The following EML3 variants were observed in gnomAD, a reference collection of about 807,000 sequenced individuals.
The protein encoded by EML3 is EMAP like 3.
EML3 carries 53 observed loss-of-function variants against 106.7 expected under a neutral mutation model. That is an observed-to-expected ratio of 0.50 (90% CI 0.40 to 0.62). EML3 has a LOEUF of 0.62. Ranked by LOEUF, EML3 falls within the 20% of genes least tolerant of loss-of-function variation. EML3 has a pLI of 0.00. For missense variants in EML3, 994 were observed against 1,209.1 expected, an observed-to-expected ratio of 0.82 and a Z score of 2.64; for synonymous variants, 499 against 489.6, an observed-to-expected ratio of 1.02 and a Z score of -0.25.
chr11:62,607,402 G>C, intron 11 of EML3: 1 of 459,584 alleles, frequency 2.2e-6, no homozygotes, highest in South Asian at 3.9e-5. Flanking sequence ...AAAATCAGCC[G>C]GCGCGCATCT....
chr11:62,603,604 A>G (rs2134348477), intron 19 of EML3, 125 bp downstream of exon 19: 1 of 798,276 alleles, frequency 1.3e-6, no homozygotes, highest in Non-Finnish European at 2.0e-6. Flanking sequence ...TTTCTCCTAC[A>G]TATAATTCCA....
At position 62,605,724 on chromosome 11, in the gene EML3, C is replaced by T. The variant is rs1193547788; in HGVS notation, c.1832G>A (p.Arg611His). The change falls in exon 15 of 22, where the codon CGC becomes CAC. Residue 611 changes from arginine to histidine, a missense_variant. Around this residue, in one of 3 missense-constraint regions of EML3, gnomAD observed 713 missense variants for 920.5 expected, o/e 0.77. Transcript: ENST00000394773. This position sits in a 1 kb window ranked among gnomAD's most constrained non-coding sequence, Gnocchi z 5.2. The stretch of plus-strand genomic sequence containing the variant: ...CCGGTCGTGGCCGCAGGTGAGGAAG[C>T]GGTTCTGGGAGGGGTGTGTGCAGAG... Reference protein sequence around the residue: ...WGLCTHPSQNRFLTCGHDRQL... With the variant: ...WGLCTHPSQNHFLTCGHDRQL... 2.5e-6 allele frequency: 4 copies of T among 1,600,416 alleles called. No individual in the cohort carries two copies. Among genetic ancestry groups the T allele is most frequent in the Non-Finnish European group, 2.6e-6 (3 of 1,172,746 alleles).
intron 6 of EML3, 49 bp downstream of exon 6, chr11:62,609,305 T>C: frequency 6.5e-7 from 1 of 1,531,438 alleles, no homozygotes; most frequent in Non-Finnish European, 8.8e-7. Context: ...GTAAGAGGGG[T>C]CCCAAGGTGA....
chr11:62,606,854 C>G, intron 12 of EML3, 104 bp downstream of exon 12: 1 of 1,000,192 alleles, frequency 1.0e-6, no homozygotes, highest in Non-Finnish European at 1.4e-6. Context: ...AAGACCTCAT[C>G]TCAAAAAAAA....
chr11:62,609,048 C>T lies in EML3; in HGVS notation c.843G>A (p.Val281=). The change falls in exon 7 of 22, where the codon GTG becomes GTA. Residue 281 remains valine, a synonymous_variant. Transcript: ENST00000394773. Reference sequence around the variant, plus strand: ...GGCCTCCTCCAGGCCGGTACAGCACCACCACACAGGCGATAAAGTAGACCA... The same window carrying T: ...GGCCTCCTCCAGGCCGGTACAGCACTACCACACAGGCGATAAAGTAGACCA... The part of the protein sequence containing the change: ...GEVVYFIACV[V]VLYRPGGGPG... The T allele has an allele frequency of 6.2e-7, 1 of 1,614,056 alleles. No homozygotes were observed. The highest frequency in any genetic ancestry group is 8.5e-7 in the Non-Finnish European group (1 of 1,180,032).
chr11:62,611,128 C>CG lies in EML3; in HGVS notation c.410dup (p.Ile139AspfsTer12), dbSNP rs1490196432. On this transcript the variant is annotated frameshift_variant, in exon 3 of 22. Coordinates refer to ENST00000394773, the MANE Select transcript of EML3 (RefSeq NM_153265.3). LOFTEE classifies it high-confidence loss of function. Reference sequence around the variant, plus strand: ...GGGGCTGCAAGGGCCTGAGGATCCCCGGGGGGCCAGGGGAGCCAGCACCAC... The same window carrying CG: ...GGGGCTGCAAGGGCCTGAGGATCCCCGGGGGGGCCAGGGGAGCCAGCACCAC... The CG allele has an allele frequency of 1.3e-6, 2 of 1,597,864 alleles. No homozygotes were observed. Among genetic ancestry groups the CG allele is most frequent in the Non-Finnish European group, 1.7e-6 (2 of 1,177,732 alleles).
chr11:62,608,070 G>A (rs1942622769), intron 10 of EML3, 131 bp downstream of exon 10: 2 of 935,758 alleles, frequency 2.1e-6, no homozygotes, highest in Non-Finnish European at 1.7e-6. Flanking sequence ...AAGGGTCAGA[G>A]AAGCTAGGAG....
intron 4 of EML3, among the ~76,000 whole-genome samples, chr11:62,610,112 T>C (rs1274876487): frequency 6.6e-6 from 1 of 152,202 alleles, no homozygotes; most frequent in Admixed American, 6.5e-5. Context: ...TGCGCGCCAC[T>C]AGGCCCCGCT....
Position 62,603,167 on chromosome 11 carries a change from G to A in EML3, c.2338C>T (p.Leu780=), listed in dbSNP as rs771757249. ...DREWATYTCV[L]GFHVYGVWPD... is the part of the protein sequence containing the mutation. ...TGCTCACCGTAGACGTGAAAGCCCA[G>A]CACACAGGTGTAGGTAGCCCATTCC... Residue 780 remains leucine, a synonymous_variant, in exon 20 of 22, where the codon CTG becomes TTG. Coordinates refer to ENST00000394773, the MANE Select transcript of EML3 (RefSeq NM_153265.3). The A allele has an allele frequency of 4.3e-6, 7 of 1,613,936 alleles. No individual in the cohort carries two copies. The East Asian group carries it at 1.1e-4, about 26-fold the overall frequency.
intron 11 of EML3, 122 bp from the exon 12 acceptor site, chr11:62,607,221 G>C: frequency 3.1e-6 from 4 of 1,283,676 alleles, no homozygotes; most frequent in Non-Finnish European, 4.3e-6. Flanking sequence ...GCCAAGGCGG[G>C]CGGGTCACCT....
At position 62,609,148 on chromosome 11, in the gene EML3, C is replaced by T. The variant is rs375563722; in HGVS notation, c.759-16G>A. On this transcript the variant is annotated splice_polypyrimidine_tract_variant and intron_variant, in intron 6 of 21. Transcript: ENST00000394773. ...GTACCCATAACTGGGGTGGAGATCA[C>T]GGTCAAGGAAAGGGTTAGATCAAGG... 7 of 1,613,010 alleles carry T rather than the reference C, an allele frequency of 4.3e-6. No homozygotes were observed. Among genetic ancestry groups the T allele is most frequent in the East Asian group, 4.5e-5 (2 of 44,874 alleles).
rs1245831023 is a variant in EML3 at position 62,605,675 on chromosome 11, C to T, written c.1881G>A (p.Glu627=). Residue 627 remains glutamate (E), a synonymous_variant, in exon 15 of 22, where the codon GAG becomes GAA. Transcript: ENST00000394773. The surrounding 1 kb of genome is among the most constrained non-coding windows in gnomAD (Gnocchi z 5.2). ...CGATGCTCCAGGCCAGTGCATGGCTCTCCCCATCCCACAGGCAGAGCTGCC... is the reference window on the plus strand; with the variant it reads ...CGATGCTCCAGGCCAGTGCATGGCTTTCCCCATCCCACAGGCAGAGCTGCC... ...HDRQLCLWDG[E]SHALAWSIDL... 1.3e-6 allele frequency: 2 copies of T among 1,587,410 alleles called. No homozygotes were observed. The highest frequency in any genetic ancestry group is 1.7e-5 in the Admixed American group (1 of 57,738).
At chr11:62,608,073 G>A in intron 10 of EML3, 128 bp downstream of exon 10, 1 of 950,120 alleles carries the variant, frequency 1.1e-6, no homozygotes, top group South Asian at 1.5e-5. Context: ...GGTCAGAGAA[G>A]CTAGGAGATT....
chr11:62,604,120 G>C lies in EML3; in HGVS notation c.2064C>G (p.Tyr688Ter), dbSNP rs543927595. The stretch of plus-strand genomic sequence containing the variant: ...GGTTGGGGTGGCTCCCACCTGGGCT[G>C]TACCGGACCACTGAGAGCTGCTCAT... Reference protein sequence around the residue: ...DGNEQLSVVRYSPDGLYLAIG... With the variant: ...DGNEQLSVVR Residue 688 changes from tyrosine to a stop codon, truncating the protein, a stop_gained, in exon 17 of 22, where the codon TAC becomes TAG. Transcript: ENST00000394773. LOFTEE classifies it high-confidence loss of function. 6.2e-7 allele frequency: 1 copy of C among 1,613,944 alleles called. No homozygotes were observed. Among genetic ancestry groups the C allele is most frequent in the Non-Finnish European group, 8.5e-7 (1 of 1,180,024 alleles).
At chr11:62,606,031 C>T in intron 13 of EML3, 32 bp downstream of exon 13, 1 of 1,613,444 alleles carries the variant, frequency 6.2e-7, no homozygotes, top group Non-Finnish European at 8.5e-7. Flanking sequence ...TGCTCTTCTC[C>T]CTCACTCCCT....
rs550777730 is a variant in EML3 at position 62,608,019 on chromosome 11, T to C, written c.1206+182A>G. On this transcript the variant is annotated intron_variant, in intron 10 of 21. Coordinates refer to ENST00000394773, the MANE Select transcript of EML3 (RefSeq NM_153265.3). ...AATCACCCTAATACCTAACACATTATGCCTCATGAGGTCAGAACCCATGTC... is the reference window on the plus strand; with the variant it reads ...AATCACCCTAATACCTAACACATTACGCCTCATGAGGTCAGAACCCATGTC... 12 of 792,076 alleles carry C rather than the reference T, an allele frequency of 1.5e-5. No homozygotes were observed. In the South Asian group the frequency reaches 1.9e-4, roughly 12 times the overall value. 49.1% of individuals were successfully genotyped at this position (792,076 alleles called of 1,614,324 possible). A position where few individuals can be genotyped will look rare whatever the true frequency, so the allele number is the denominator to read the frequency against.
In EML3 at chr11:62,610,264, G is replaced by A. The variant is rs138299839; in HGVS notation, c.567-568C>T. ...ATTCCTGTCGTTAGATAACAGTAAA[G>A]TGATACTGTCTCTTCAGAGAATAAA... On this transcript the variant is annotated intron_variant, in intron 4 of 21. Coordinates refer to ENST00000394773, the MANE Select transcript of EML3 (RefSeq NM_153265.3). 1.7e-3 allele frequency among the ~76,000 whole-genome samples: 264 copies of A among 152,318 alleles called. 1 individual carries two copies. Among genetic ancestry groups the A allele is most frequent in the African/African-American group, 6.2e-3 (256 of 41,574 alleles).
intron 9 of EML3, 56 bp from the exon 10 acceptor site, chr11:62,608,352 C>A (rs1379403850): frequency 2.8e-5 from 43 of 1,536,356 alleles, no homozygotes; most frequent in Non-Finnish European, 3.6e-5. Context: ...TCCAGGGGTT[C>A]ATGGTCATTA....
intron 9 of EML3, 109 bp from the exon 10 acceptor site, chr11:62,608,405 G>T: frequency 7.5e-7 from 1 of 1,341,436 alleles, no homozygotes; most frequent in Non-Finnish European, 1.1e-6. Context: ...AGAAAAAGTT[G>T]ACACACATGG....
Sources: allele counts gnomAD v4.1 joint callset (sites outside exome capture counted in the v4.1 genomes callset), GRCh38; gene constraint gnomAD v4.1.1; regional missense constraint gnomAD v4.1.1; non-coding constraint Gnocchi (gnomAD v3.1); transcripts MANE v1.5; gene names NCBI Gene and HGNC (gene_info 2026-07-23, HGNC 2026-07-21).